Variants in KLHL2 observed in about 807,000 individuals in gnomAD.
KLHL2 encodes kelch like family member 2, also known as kelch-like protein 2.
Under a neutral mutation model 75.8 loss-of-function variants are expected in KLHL2, and 15 were observed. The ratio of observed to expected loss-of-function variants is 0.20; its 90% CI spans 0.13 to 0.30. The LOEUF is 0.30. Ranked by LOEUF, KLHL2 falls within the 10% of genes least tolerant of loss-of-function variation. The pLI, the probability that KLHL2 is intolerant of heterozygous loss-of-function variation, is 1.00. For missense variants in KLHL2, 381 were observed against 741.0 expected (o/e 0.51, Z 5.64); for synonymous variants, 214 against 251.9 (o/e 0.85, Z 1.42).
At chr4:165,310,441 C>T in intron 9 of KLHL2, 112 bp from the exon 10 acceptor site, 1 of 872,668 alleles carries the variant, frequency 1.1e-6, no homozygotes, top group Non-Finnish European at 1.9e-6. Flanking sequence ...TCAGGCTCCT[C>T]CTAAGAGTAG....
intron 8 of KLHL2, among the ~76,000 whole-genome samples, chr4:165,301,958 T>A (rs1166451039): frequency 6.6e-6 from 1 of 152,182 alleles, no homozygotes; most frequent in African/African-American, 2.4e-5. Flanking sequence ...ACTTTCTCTT[T>A]TGTGGTGTTG....
chr4:165,311,843 GTGTT>G (rs1217197989), intron 11 of KLHL2, among the ~76,000 whole-genome samples: 2 of 145,230 alleles, frequency 1.4e-5, no homozygotes, highest in African/African-American at 5.3e-5. Flanking sequence ...GTGTGTGTGT[GTGTT>G]TGACTTATAT....
At chr4:165,258,058 G>C (rs1336988556) in intron 4 of KLHL2, among the ~76,000 whole-genome samples, 1 of 152,130 alleles carries the variant, frequency 6.6e-6, no homozygotes, top group East Asian at 1.9e-4. Context: ...TAAAGGAGAA[G>C]GATGTAGGAA....
intron 8 of KLHL2, among the ~76,000 whole-genome samples, chr4:165,304,259 T>G (rs919497778): frequency 1.3e-5 from 2 of 152,226 alleles, no homozygotes; most frequent in African/African-American, 2.4e-5. Flanking sequence ...AAATTCATTC[T>G]GCTCTCCAGT....
chr4:165,245,173 A>C (rs185224607), intron 4 of KLHL2, among the ~76,000 whole-genome samples: 74 of 152,224 alleles, frequency 4.9e-4, no homozygotes, highest in African/African-American at 1.6e-3. Context: ...GCACCACTGC[A>C]CTCCAGCCTG....
At chr4:165,208,868 T>C (rs1256432247) in intron 1 of KLHL2, among the ~76,000 whole-genome samples, 1 of 152,172 alleles carries the variant, frequency 6.6e-6, no homozygotes, top group Admixed American at 6.5e-5. Context: ...CGTTCTCCGG[T>C]CAAATTTGGC....
At chr4:165,235,314 C>A (rs564213790) in intron 3 of KLHL2, among the ~76,000 whole-genome samples, 2 of 152,334 alleles carry the variant, frequency 1.3e-5, no homozygotes, top group Admixed American at 1.3e-4. Flanking sequence ...AATTCTCCTG[C>A]CTCAGCCTCT....
chr4:165,274,942 C>T (rs1006900657), intron 5 of KLHL2, among the ~76,000 whole-genome samples: 3 of 152,074 alleles, frequency 2.0e-5, no homozygotes, highest in Non-Finnish European at 4.4e-5. Flanking sequence ...GCTTCAGCAG[C>T]GTGGCACTGG....
At chr4:165,303,074 C>T (rs1451059830) in intron 8 of KLHL2, among the ~76,000 whole-genome samples, 1 of 152,148 alleles carries the variant, frequency 6.6e-6, no homozygotes, top group East Asian at 1.9e-4. Flanking sequence ...TTCCTGCCTT[C>T]CTGTCCCCCC....
At chr4:165,252,190 C>T (rs1740789936) in intron 4 of KLHL2, among the ~76,000 whole-genome samples, 1 of 152,124 alleles carries the variant, frequency 6.6e-6, no homozygotes, top group African/African-American at 2.4e-5. Flanking sequence ...AGAAACAAAT[C>T]AAAGTCCTTA....
At chr4:165,265,065 A>G (rs1298970117) in intron 5 of KLHL2, among the ~76,000 whole-genome samples, 1 of 151,840 alleles carries the variant, frequency 6.6e-6, no homozygotes, top group Admixed American at 6.6e-5. Context: ...AATAATAGCT[A>G]TTCTGGTTAG....
intron 2 of KLHL2, chr4:165,224,040 G>C: frequency 2.9e-6 from 1 of 347,784 alleles, no homozygotes; most frequent in Middle Eastern, 1.1e-3. Flanking sequence ...TCAGCCTCCC[G>C]AGTAGCTGGG....
intron 1 of KLHL2, among the ~76,000 whole-genome samples, chr4:165,216,921 G>C (rs1056919360): frequency 2.6e-5 from 4 of 152,120 alleles, no homozygotes; most frequent in Admixed American, 2.6e-4. Context: ...GAAAAAGGAG[G>C]AGCTGAAAAT....
At chr4:165,320,726 C>T (rs1746910755) in intron 14 of KLHL2, among the ~76,000 whole-genome samples, 1 of 152,066 alleles carries the variant, frequency 6.6e-6, no homozygotes, top group African/African-American at 2.4e-5. Flanking sequence ...ACAATAAATT[C>T]CTGCTGGAAA....
intron 5 of KLHL2, among the ~76,000 whole-genome samples, chr4:165,269,001 T>C (rs930498707): frequency 2.0e-5 from 3 of 152,244 alleles, no homozygotes; most frequent in Non-Finnish European, 4.4e-5. Context: ...TGGGTGCTTC[T>C]GTATTGGGTA....
intron 3 of KLHL2, 112 bp from the exon 4 acceptor site, chr4:165,238,666 T>G (rs1468761231): frequency 3.9e-6 from 6 of 1,550,672 alleles, no homozygotes; most frequent in Non-Finnish European, 4.3e-6. Context: ...TGGCTGATTA[T>G]GCTGCCTGTT....
intron 4 of KLHL2, among the ~76,000 whole-genome samples, chr4:165,247,635 G>A (rs564482594): frequency 5.7e-4 from 87 of 152,292 alleles, no homozygotes; most frequent in African/African-American, 1.8e-3. Context: ...CAGAGAGAAG[G>A]CAGACTGTGT....
intron 10 of KLHL2, 105 bp from the exon 11 acceptor site, chr4:165,311,359 C>T: frequency 1.4e-6 from 1 of 723,604 alleles, no homozygotes; most frequent in Non-Finnish European, 2.3e-6. Context: ...CCATTTTCTT[C>T]TCTTAATTTT....
chr4:165,222,496 T>C (rs1447614391), intron 2 of KLHL2, among the ~76,000 whole-genome samples: 8 of 152,146 alleles, frequency 5.3e-5, no homozygotes, highest in Non-Finnish European at 2.9e-5. Context: ...CGATGCTGAT[T>C]TTCAGAACAA....
Sources: gnomAD v4.1 joint callset for allele counts (sites outside exome capture counted in the v4.1 genomes callset) on GRCh38, gnomAD v4.1.1 for gene constraint, MANE v1.5 for transcripts, NCBI Gene and HGNC (gene_info 2026-07-23, HGNC 2026-07-21) for gene names.